The following SEPTIN6 variants were observed in gnomAD, a reference collection of about 807,000 sequenced individuals.
SEPTIN6 encodes septin 6.
Under a neutral mutation model 33.6 loss-of-function variants are expected in SEPTIN6, and 8 were observed. That is an observed-to-expected ratio of 0.24 (90% CI 0.14 to 0.43). The LOEUF is 0.43. SEPTIN6 is among the 20% of genes least tolerant of loss of function. The pLI, the probability that SEPTIN6 is intolerant of heterozygous loss-of-function variation, is 1.00. For synonymous variants in SEPTIN6, 131 were observed against 140.0 expected (o/e 0.94, Z 0.45); for missense variants, 250 against 340.8 (o/e 0.73, Z 2.10).
intron 5 of SEPTIN6, among the ~76,000 whole-genome samples, chrX:119,645,560 G>C (rs1603338421): frequency 9.0e-6 from 1 of 111,039 alleles, no homozygotes; most frequent in East Asian, 2.8e-4. Flanking sequence ...ACCATGCCCG[G>C]CTAATTTTGC....
chrX:119,659,655 GTAT>G (rs1021031998), intron 3 of SEPTIN6, among the ~76,000 whole-genome samples: 3 of 111,727 alleles, frequency 2.7e-5, no homozygotes, highest in Non-Finnish European at 5.6e-5. Flanking sequence ...AAGGTAGGTA[GTAT>G]TATTATTATC....
At chrX:119,644,028 T>C (rs1224520893) in intron 5 of SEPTIN6, among the ~76,000 whole-genome samples, 6 of 106,211 alleles carry the variant, frequency 5.6e-5, no homozygotes, top group Admixed American at 9.9e-5. Flanking sequence ...CCACGGACCA[T>C]ACTTCTAGGT....
At chrX:119,630,924 T>C (rs1409351260) in intron 8 of SEPTIN6, among the ~76,000 whole-genome samples, 1 of 107,707 alleles carries the variant, frequency 9.3e-6, no homozygotes, top group Admixed American at 1.0e-4. Context: ...TGGCATGCCA[T>C]TGTGGTAAGT....
chrX:119,690,529 C>A (rs2147672620), intron 1 of SEPTIN6, among the ~76,000 whole-genome samples: 1 of 108,349 alleles, frequency 9.2e-6, no homozygotes, highest in Non-Finnish European at 1.9e-5. Context: ...TCGAGACCAG[C>A]CTGGCCAACA....
intron 5 of SEPTIN6, among the ~76,000 whole-genome samples, chrX:119,643,598 G>A (rs11798665): frequency 1.2e-4 from 13 of 111,079 alleles, no homozygotes; most frequent in South Asian, 3.8e-4. Context: ...TGCAGCTGGC[G>A]TCAGTCTGCT....
intron 3 of SEPTIN6, among the ~76,000 whole-genome samples, chrX:119,661,998 A>G (rs1185759276): frequency 5.4e-5 from 6 of 111,796 alleles, no homozygotes; most frequent in Non-Finnish European, 1.1e-4. Context: ...TCGGCCTCCC[A>G]AAGTGCTGGG....
At position 119,640,677 on chromosome X, in the gene SEPTIN6, C is replaced by G. The variant is rs376603466; in HGVS notation, c.787+15G>C. The G allele has an allele frequency of 8.5e-7, 1 of 1,178,567 alleles. No individual in the cohort carries two copies. Among genetic ancestry groups the G allele is most frequent in the Non-Finnish European group, 1.2e-6 (1 of 867,216 alleles). ...GGGGCTTCCTGTGTGTAGCCCTTCC[C>G]GGAGACTCACTCACCCTGCACAGTG... On this transcript the variant is annotated intron_variant, in intron 6 of 10. Coordinates refer to ENST00000394610, the MANE Select transcript of SEPTIN6 (RefSeq NM_145799.4).
intron 5 of SEPTIN6, among the ~76,000 whole-genome samples, chrX:119,649,380 C>A (rs190428115): frequency 1.9e-5 from 2 of 105,972 alleles, no homozygotes; most frequent in Non-Finnish European, 3.9e-5. Context: ...AGGCGTGAGA[C>A]ACCATGCCCA....
intron 3 of SEPTIN6, among the ~76,000 whole-genome samples, chrX:119,658,657 A>G (rs1461822807): frequency 8.9e-6 from 1 of 112,281 alleles, no homozygotes; most frequent in African/African-American, 3.2e-5. Flanking sequence ...CAGTCCCATC[A>G]ACGTGAATGA....
In SEPTIN6 at chrX:119,619,434, GGT is replaced by G. The variant is rs1569416549; in HGVS notation, c.*657_*658del. 1.2e-6 allele frequency: 1 copy of G among 813,725 alleles called. No individual in the cohort carries two copies. The highest frequency in any genetic ancestry group is 1.5e-6 in the Non-Finnish European group (1 of 676,698). The allele number at this position is 813,725 out of a possible 1,213,427, so 67.1% of individuals were successfully genotyped here. On this transcript the variant is annotated 3_prime_UTR_variant, in exon 11 of 11. Coordinates refer to ENST00000394610, the MANE Select transcript of SEPTIN6 (RefSeq NM_145799.4). ...CAGTTGTGTTTTATGGGAAGGGCTTGGTGTAAATAAATGCGTTGCCGATTTTG... is the reference window on the plus strand; with the variant it reads ...CAGTTGTGTTTTATGGGAAGGGCTTGGTAAATAAATGCGTTGCCGATTTTG...
rs554767734 is a variant in SEPTIN6 at position 119,648,306 on chromosome X, G to A, written c.690+1631C>T. On this transcript the variant is annotated intron_variant, in intron 5 of 10. Coordinates refer to ENST00000394610, the MANE Select transcript of SEPTIN6 (RefSeq NM_145799.4). ...AGCAAAGCAAACCACAAGCCTGCAA[G>A]CTGCTTGATGACTTAGGGCATCAGT... Among the ~76,000 whole-genome samples, 7 of 111,065 alleles carry A rather than the reference G, an allele frequency of 6.3e-5. No homozygotes were observed. The South Asian group carries it at 2.7e-3, about 42-fold the overall frequency.
chrX:119,628,373 G>GGTTCAAGCAATTCTCCTGCCTCA (rs2053893152), intron 9 of SEPTIN6, among the ~76,000 whole-genome samples: 1 of 110,112 alleles, frequency 9.1e-6, no homozygotes, highest in Non-Finnish European at 1.9e-5. Context: ...CTGCCTCCTG[G>GGTTCAAGCAATTCTCCTGCCTCA]GTTCAAGCAA....
At chrX:119,657,814 A>C (rs918006243) in intron 3 of SEPTIN6, among the ~76,000 whole-genome samples, 1 of 112,154 alleles carries the variant, frequency 8.9e-6, no homozygotes, top group East Asian at 2.8e-4. Context: ...CGCTTAACCT[A>C]AATTTATTTA....
intron 2 of SEPTIN6, 144 bp from the exon 3 acceptor site, chrX:119,663,821 T>C: frequency 2.2e-6 from 1 of 455,929 alleles, no homozygotes; most frequent in Non-Finnish European, 3.7e-6. Flanking sequence ...ATGAACTATA[T>C]GATGTCAGTT....
At chrX:119,680,544 C>A (rs2054937448) in intron 1 of SEPTIN6, among the ~76,000 whole-genome samples, 1 of 110,012 alleles carries the variant, frequency 9.1e-6, no homozygotes, top group Non-Finnish European at 1.9e-5. Flanking sequence ...TCTTTTGTAT[C>A]TGTTACCCAG....
intron 1 of SEPTIN6, among the ~76,000 whole-genome samples, chrX:119,685,562 C>G (rs1051981589): frequency 8.9e-6 from 1 of 111,846 alleles, no homozygotes; most frequent in Admixed American, 9.5e-5. Context: ...CAGAGACTCA[C>G]AGAGAGGAAG....
intron 10 of SEPTIN6, among the ~76,000 whole-genome samples, chrX:119,623,694 C>A (rs967419664): frequency 9.0e-6 from 1 of 111,570 alleles, no homozygotes; most frequent in Non-Finnish European, 1.9e-5. Flanking sequence ...CAAAAATTAG[C>A]CAGGAATGGT....
intron 5 of SEPTIN6, among the ~76,000 whole-genome samples, chrX:119,644,313 G>A (rs186056172): frequency 4.9e-4 from 54 of 111,220 alleles, no homozygotes; most frequent in African/African-American, 1.7e-3. Flanking sequence ...TTCCTTGGGA[G>A]TCCATTCCTA....
At chrX:119,633,112 T>C (rs1218305887) in intron 8 of SEPTIN6, among the ~76,000 whole-genome samples, 1 of 112,510 alleles carries the variant, frequency 8.9e-6, no homozygotes, top group African/African-American at 3.2e-5. Context: ...TTCTATGTCT[T>C]TCCTATTGTG....
Sources: gnomAD v4.1 joint callset for allele counts (sites outside exome capture counted in the v4.1 genomes callset) on GRCh38, gnomAD v4.1.1 for gene constraint, MANE v1.5 for transcripts, NCBI Gene and HGNC (gene_info 2026-07-23, HGNC 2026-07-21) for gene names.